The following SBNO1 variants were observed in gnomAD, a reference collection of about 807,000 sequenced individuals.
SBNO1 encodes strawberry notch homolog 1.
SBNO1 carries 23 observed loss-of-function variants against 173.6 expected under a neutral mutation model. The observed-to-expected ratio is 0.13, with a 90% CI of 0.10 to 0.19. The LOEUF (loss-of-function observed/expected upper bound fraction) is 0.19. Among genes scored for constraint, SBNO1 ranks in the 10% least tolerant of loss-of-function variants. SBNO1 has a pLI of 1.00. For missense variants in SBNO1, 1,238 were observed against 1,671.2 expected, an observed-to-expected ratio of 0.74 and a Z score of 4.52; for synonymous variants, 632 against 571.5, an observed-to-expected ratio of 1.11 and a Z score of -1.51.
At chr12:123,303,604 G>C (rs1156748633) in intron 29 of SBNO1, among the ~76,000 whole-genome samples, 3 of 152,056 alleles carry the variant, frequency 2.0e-5, no homozygotes, top group Non-Finnish European at 4.4e-5. Flanking sequence ...AGCCAAGATC[G>C]CGCCACTACA....
At chr12:123,306,385 G>A (rs2048914404) in intron 28 of SBNO1, among the ~76,000 whole-genome samples, 1 of 152,078 alleles carries the variant, frequency 6.6e-6, no homozygotes, top group Admixed American at 6.6e-5. Flanking sequence ...AAAGGCAAAC[G>A]AAGACCAGGA....
At chr12:123,354,482 C>T (rs992700804) in intron 1 of SBNO1, among the ~76,000 whole-genome samples, 3 of 151,984 alleles carry the variant, frequency 2.0e-5, no homozygotes, top group Admixed American at 6.6e-5. Flanking sequence ...TCTTTTTTTG[C>T]AGGGTGAAGG....
intron 17 of SBNO1, among the ~76,000 whole-genome samples, chr12:123,321,183 C>G (rs187808505): frequency 1.1e-4 from 17 of 152,288 alleles, no homozygotes; most frequent in South Asian, 4.2e-4. Context: ...AGGTGATCCA[C>G]CCACCTTAGC....
intron 1 of SBNO1, among the ~76,000 whole-genome samples, chr12:123,361,600 G>A (rs1419664444): frequency 6.6e-6 from 1 of 151,730 alleles, no homozygotes; most frequent in Non-Finnish European, 1.5e-5. Context: ...TGGGCGTGGT[G>A]GCGTGTACCT....
At chr12:123,361,291 G>C (rs565069376) in intron 1 of SBNO1, among the ~76,000 whole-genome samples, 2 of 152,096 alleles carry the variant, frequency 1.3e-5, no homozygotes, top group East Asian at 3.9e-4. Flanking sequence ...GCTCACGCCT[G>C]TAATCCCAGT....
chr12:123,326,682 T>C (rs540105401), intron 13 of SBNO1, among the ~76,000 whole-genome samples: 3 of 152,312 alleles, frequency 2.0e-5, no homozygotes, highest in African/African-American at 7.2e-5. Flanking sequence ...TCCCAGCACT[T>C]TGGGAGGCTG....
chr12:123,317,367 T>C lies in SBNO1; in HGVS notation c.2800-11A>G, dbSNP rs1869402344. On this transcript the variant is annotated splice_polypyrimidine_tract_variant and intron_variant, in intron 20 of 31. Transcript: ENST00000602398. ...GATGATAGCAATATTCTGTGTCAAA[T>C]ATAAGAAAAATAAAGTCACTTTTGC... The C allele has an allele frequency of 6.2e-7, 1 of 1,613,376 alleles. No individual in the cohort carries two copies. Among genetic ancestry groups the C allele is most frequent in the South Asian group, 1.1e-5 (1 of 91,040 alleles).
At chr12:123,354,635 CT>C in intron 1 of SBNO1, among the ~76,000 whole-genome samples, 1 of 152,274 alleles carries the variant, frequency 6.6e-6, no homozygotes, top group African/African-American at 2.4e-5. Flanking sequence ...CCCTTAAAAA[CT>C]TGTATTAGCC....
chr12:123,362,949 T>C (rs1875549617), intron 1 of SBNO1, among the ~76,000 whole-genome samples: 1 of 151,386 alleles, frequency 6.6e-6, no homozygotes, highest in Non-Finnish European at 1.5e-5. Context: ...TTAGCTGCTG[T>C]AGTGGTGCAC....
At chr12:123,317,105 T>G in intron 21 of SBNO1, 116 bp downstream of exon 21, 1 of 1,080,740 alleles carries the variant, frequency 9.3e-7, no homozygotes, top group Non-Finnish European at 1.4e-6. Flanking sequence ...CCCGAAATGT[T>G]GGAATTACAG....
intron 7 of SBNO1, among the ~76,000 whole-genome samples, chr12:123,331,709 A>G (rs1225326324): frequency 1.7e-4 from 26 of 151,406 alleles, no homozygotes; most frequent in African/African-American, 4.8e-4. Context: ...TTTTAGTAGA[A>G]ACGGGTTTCA....
At chr12:123,306,631 T>C (rs561155600) in intron 28 of SBNO1, among the ~76,000 whole-genome samples, 18 of 152,250 alleles carry the variant, frequency 1.2e-4, no homozygotes, top group South Asian at 4.1e-4. Context: ...GGTGAGAGGA[T>C]GGATCAAGCC....
At chr12:123,360,739 TG>T (rs1566059507) in intron 1 of SBNO1, among the ~76,000 whole-genome samples, 1 of 152,000 alleles carries the variant, frequency 6.6e-6, no homozygotes, top group Admixed American at 6.6e-5. Flanking sequence ...CCACCAAGCT[TG>T]GCCGAGACAA....
rs1361804178 is a variant in SBNO1, at chr12:123,297,996, C to T, written c.4021G>A (p.Asp1341Asn). 6.2e-7 allele frequency: 1 copy of T among 1,613,796 alleles called. No individual in the cohort carries two copies. The highest frequency in any genetic ancestry group is 1.3e-5 in the African/African-American group (1 of 74,930). The change falls in exon 31 of 32, where the codon GAT (aspartate) becomes AAT (asparagine). Residue 1341 changes from aspartate (D) to asparagine (N), a missense_variant. Physicochemically the swap from Asp to Asn is conservative, Grantham distance 23 (BLOSUM62 1). Coordinates refer to ENST00000602398, the MANE Select transcript of SBNO1 (RefSeq NM_001167856.3). ...GACTCACCTACAATCCGTTGCCCAT[C>T]TTCCGTTCTTAGCCGCACGATCTGC... ...KMQIVRLRTEDGQRIVGLIIP... is the reference protein window; with the variant it reads ...KMQIVRLRTENGQRIVGLIIP...
At chr12:123,340,719 G>A (rs1872455555) in intron 5 of SBNO1, among the ~76,000 whole-genome samples, 1 of 151,326 alleles carries the variant, frequency 6.6e-6, no homozygotes, top group South Asian at 2.1e-4. Flanking sequence ...ACCCCACATT[G>A]TCTTTTTTTC....
chr12:123,317,696 A>G (rs926947015), intron 20 of SBNO1, among the ~76,000 whole-genome samples: 9 of 152,246 alleles, frequency 5.9e-5, no homozygotes, highest in South Asian at 4.1e-4. Context: ...GGAGGCCCAC[A>G]TAATTTAATG....
At chr12:123,309,680 C>T (rs1179248040) in intron 26 of SBNO1, 30 bp downstream of exon 26, 1 of 1,608,616 alleles carries the variant, frequency 6.2e-7, no homozygotes, top group African/African-American at 1.3e-5. Context: ...TCCCTGGGGA[C>T]ATTGTGGGGG....
At chr12:123,320,151 G>A in intron 19 of SBNO1, 120 bp from the exon 20 acceptor site, 1 of 1,118,754 alleles carries the variant, frequency 8.9e-7, no homozygotes, top group East Asian at 2.4e-5. Flanking sequence ...ACCACACACT[G>A]AAGGATACAG....
At chr12:123,320,966 T>C in intron 17 of SBNO1, 100 bp from the exon 18 acceptor site, 1 of 1,017,598 alleles carries the variant, frequency 9.8e-7, no homozygotes, top group Non-Finnish European at 1.4e-6. Flanking sequence ...TGAGACAATG[T>C]TTCGCTGTTG....
Sources: gnomAD v4.1 joint callset for allele counts (sites outside exome capture counted in the v4.1 genomes callset) on GRCh38, gnomAD v4.1.1 for gene constraint, MANE v1.5 for transcripts, NCBI Gene and HGNC (gene_info 2026-07-23, HGNC 2026-07-21) for gene names.